PRKDC: variants seen among roughly 807,000 people sequenced by gnomAD.
PRKDC encodes DNA-dependent protein kinase catalytic subunit.
PRKDC carries 82 observed loss-of-function variants against 486.9 expected under a neutral mutation model. The ratio of observed to expected loss-of-function variants is 0.17; its 90% confidence interval spans 0.14 to 0.20. The LOEUF is 0.20. Ranked by LOEUF, PRKDC falls within the 10% of genes least tolerant of loss-of-function variation. The pLI is 1.00. For synonymous variants in PRKDC, 1,895 were observed against 1,837.0 expected (o/e 1.03, Z -0.81); for missense variants, 4,504 against 5,038.2 (o/e 0.89, Z 3.21).
chr8:47,807,348 A>G (rs779762838), intron 68 of PRKDC, 22 bp from the exon 69 acceptor site: 1 of 1,515,228 alleles, frequency 6.6e-7, no homozygotes, highest in South Asian at 1.3e-5. Context: ...AAAATGAGAC[A>G]ATGTCACAGA....
intron 65 of PRKDC, 136 bp downstream of exon 65, chr8:47,821,468 T>C: frequency 1.3e-6 from 1 of 757,204 alleles, no homozygotes; most frequent in Non-Finnish European, 2.2e-6. Context: ...ATGGGGTTTG[T>C]AGGTGGACTC....
intron 40 of PRKDC, among the ~76,000 whole-genome samples, chr8:47,867,126 C>A (rs1319513921): frequency 6.6e-6 from 1 of 152,038 alleles, no homozygotes; most frequent in Non-Finnish European, 1.5e-5. Flanking sequence ...TATTTCTTTG[C>A]AATGAAGAAT....
intron 54 of PRKDC, among the ~76,000 whole-genome samples, chr8:47,846,862 C>T (rs898507584): frequency 6.6e-6 from 1 of 152,116 alleles, no homozygotes; most frequent in Non-Finnish European, 1.5e-5. Flanking sequence ...ACACCAATAA[C>T]ATTACAGCTG....
chr8:47,867,728 G>C (rs1211306619), intron 40 of PRKDC, among the ~76,000 whole-genome samples: 2 of 152,092 alleles, frequency 1.3e-5, no homozygotes, highest in African/African-American at 4.8e-5. Context: ...AAAAGAATAA[G>C]AAAAAAATTT....
intron 4 of PRKDC, 139 bp downstream of exon 4, chr8:47,955,735 G>A (rs2090690367): frequency 1.6e-6 from 1 of 615,244 alleles, no homozygotes; most frequent in African/African-American, 1.9e-5. Flanking sequence ...GTTGGAGAAT[G>A]TGCATCTTAC....
chr8:47,892,230 A>AT (rs1402652105), intron 31 of PRKDC, among the ~76,000 whole-genome samples: 1 of 152,094 alleles, frequency 6.6e-6, no homozygotes, highest in Non-Finnish European at 1.5e-5. Flanking sequence ...CAACCGCATA[A>AT]TTTTACATTT....
In PRKDC at chr8:47,885,990, A is replaced by T; in HGVS notation, c.4730T>A (p.Leu1577His). 6.2e-7 allele frequency: 1 copy of T among 1,613,984 alleles called. No individual in the cohort carries two copies. Among genetic ancestry groups the T allele is most frequent in the African/African-American group, 1.3e-5 (1 of 75,080 alleles). The change falls in exon 36 of 86, where the codon CTT (leucine) becomes CAT (histidine). Residue 1577 changes from leucine to histidine, a missense_variant. By Grantham distance (99) the Leu-to-His change is moderately conservative. Coordinates refer to ENST00000314191, the MANE Select transcript of PRKDC (RefSeq NM_006904.7). ...INTELLKNLD[L>H]AVLELMQSSV... ...AGACTGCATGAGCTCCAATACAGCA[A>T]GATCCAGATTTTTCAATAATTCCGT...
chr8:47,939,846 ATTT>A (rs1202654119), intron 10 of PRKDC, 149 bp from the exon 11 acceptor site: 1 of 627,268 alleles, frequency 1.6e-6, no homozygotes, highest in Non-Finnish European at 2.4e-6. Context: ...CTTTGCTTCC[ATTT>A]TGCTTAGTCT....
At chr8:47,807,537 G>T (rs1396596801) in intron 68 of PRKDC, among the ~76,000 whole-genome samples, 1 of 151,890 alleles carries the variant, frequency 6.6e-6, no homozygotes, top group Non-Finnish European at 1.5e-5. Flanking sequence ...TCCTGCCTCA[G>T]CCTCCTGAGT....
At chr8:47,839,958 C>A in intron 55 of PRKDC, 58 bp downstream of exon 55, 1 of 1,373,370 alleles carries the variant, frequency 7.3e-7, no homozygotes, top group East Asian at 2.5e-5. Context: ...GCCTCGTCGA[C>A]AGAGCAAGAC....
intron 68 of PRKDC, among the ~76,000 whole-genome samples, chr8:47,816,448 T>A (rs2087448491): frequency 6.6e-6 from 1 of 152,116 alleles, no homozygotes; most frequent in Admixed American, 6.5e-5. Context: ...ACTGATCTTG[T>A]TGTAGAGGTA....
intron 27 of PRKDC, among the ~76,000 whole-genome samples, chr8:47,901,390 C>T (rs2089680914): frequency 6.6e-6 from 1 of 151,742 alleles, no homozygotes; most frequent in Non-Finnish European, 1.5e-5. Flanking sequence ...AGGCAAATCG[C>T]TTGAACCTGG....
At chr8:47,831,713 G>A (rs990977292) in intron 60 of PRKDC, 101 bp downstream of exon 60, 4 of 1,274,274 alleles carry the variant, frequency 3.1e-6, no homozygotes, top group African/African-American at 2.9e-5. Context: ...TGGTTTGCAG[G>A]TGACATTGGA....
chr8:47,802,844 G>A (rs1341907638), intron 70 of PRKDC, among the ~76,000 whole-genome samples: 1 of 152,038 alleles, frequency 6.6e-6, no homozygotes, highest in South Asian at 2.1e-4. Context: ...CAGTGGAGAC[G>A]GGGTTTCACT....
At chr8:47,854,616 G>C (rs903308514) in intron 50 of PRKDC, among the ~76,000 whole-genome samples, 6 of 152,216 alleles carry the variant, frequency 3.9e-5, no homozygotes, top group Non-Finnish European at 1.5e-5. Flanking sequence ...CCGGGATTAA[G>C]GCGTGAGCCA....
chr8:47,800,680 A>G (rs977360239), intron 71 of PRKDC, 113 bp downstream of exon 71: 126 of 955,382 alleles, frequency 1.3e-4, no homozygotes, highest in Non-Finnish European at 2.3e-5. Context: ...ATAACTGTCA[A>G]ATATATTTTA....
chr8:47,837,419 T>C lies in PRKDC; in HGVS notation c.7554A>G (p.Gln2518=). ...GGCTCCAGAAATTTCGAATAATTAA[T>C]CTGAAAAGCAAAGAGAAAAAAGTAT... is the stretch of plus-strand genomic sequence containing the variant. ...QGLIDENPGL[Q]LIIRNFWSHE... The change falls in exon 57 of 86, where the codon CAA becomes CAG. Residue 2518 remains glutamine, a splice_region_variant and synonymous_variant. Transcript: ENST00000314191. The C allele has an allele frequency of 6.3e-7, 1 of 1,595,020 alleles. No homozygotes were observed. Among genetic ancestry groups the C allele is most frequent in the Non-Finnish European group, 8.6e-7 (1 of 1,163,480 alleles).
At chr8:47,840,306 C>T (rs2088111733) in intron 54 of PRKDC, 117 bp from the exon 55 acceptor site, 3 of 726,370 alleles carry the variant, frequency 4.1e-6, no homozygotes, top group Non-Finnish European at 6.6e-6. Flanking sequence ...GATAACGCTA[C>T]ACTTATATAA....
At chr8:47,860,431 G>A (rs1041023307) in intron 45 of PRKDC, among the ~76,000 whole-genome samples, 9 of 152,234 alleles carry the variant, frequency 5.9e-5, no homozygotes, top group African/African-American at 9.6e-5. Flanking sequence ...TGAGCAGTAA[G>A]AAGGGCTGCA....
Sources: allele counts gnomAD v4.1 joint callset (sites outside exome capture counted in the v4.1 genomes callset), GRCh38; gene constraint gnomAD v4.1.1; transcripts MANE v1.5; gene names NCBI Gene and HGNC (gene_info 2026-07-23, HGNC 2026-07-21).